CUX2: variants seen among roughly 807,000 people sequenced by gnomAD.
CUX2 encodes cut like homeobox 2, also known as homeobox protein cut-like 2.
In CUX2, 40 loss-of-function variants were observed where a neutral mutation model predicts 144.8. That is an observed-to-expected ratio of 0.28 (90% CI 0.21 to 0.36). The LOEUF is 0.36. CUX2 is among the 10% of genes least tolerant of loss of function. CUX2 has a pLI of 1.00. For missense variants in CUX2, 1,615 were observed against 1,994.0 expected (o/e 0.81, Z 3.62); for synonymous variants, 827 against 875.6 (o/e 0.94, Z 0.98).
chr12:111,099,225 G>A (rs1873034975), intron 1 of CUX2, among the ~76,000 whole-genome samples: 3 of 152,214 alleles, frequency 2.0e-5, no homozygotes. Context: ...GTGTGTTCAA[G>A]GTGGAGGAAA....
intron 1 of CUX2, among the ~76,000 whole-genome samples, chr12:111,195,499 C>T (rs1880182486): frequency 6.6e-6 from 1 of 152,214 alleles, no homozygotes; most frequent in African/African-American, 2.4e-5. Flanking sequence ...TTCAAGGGTA[C>T]AGAATGAAAT....
chr12:111,253,918 C>T (rs551049165), intron 3 of CUX2, among the ~76,000 whole-genome samples: 13 of 149,912 alleles, frequency 8.7e-5, no homozygotes, highest in African/African-American at 3.2e-4. Context: ...TTAGTAGAAA[C>T]GGAGTTTCAC....
chr12:111,330,526 G>A (rs1279503679), intron 18 of CUX2, among the ~76,000 whole-genome samples: 1 of 151,060 alleles, frequency 6.6e-6, no homozygotes, highest in African/African-American at 2.4e-5. Flanking sequence ...GAGGTGTCAT[G>A]AGGGTCACTT....
chr12:111,100,028 G>A, intron 1 of CUX2: 1 of 457,096 alleles, frequency 2.2e-6, no homozygotes, highest in Non-Finnish European at 4.4e-6. Context: ...TTTGCCGGTG[G>A]TGCTGCTGAC....
intron 1 of CUX2, among the ~76,000 whole-genome samples, chr12:111,101,166 G>A (rs558614732): frequency 1.0e-3 from 156 of 152,154 alleles, no homozygotes; most frequent in Non-Finnish European, 1.8e-3. Context: ...CTCACCCCTC[G>A]TGATGAGGAC....
rs1362421959 is a variant in CUX2, at chr12:111,071,869, A to AC, written c.63+37629_63+37630insC. 2.0e-5 allele frequency among the ~76,000 whole-genome samples: 3 copies of AC among 152,160 alleles called. No homozygotes were observed. In the East Asian group the frequency reaches 5.8e-4, roughly 29 times the overall value. On this transcript the variant is annotated intron_variant, in intron 1 of 21. Coordinates refer to ENST00000261726, the MANE Select transcript of CUX2 (RefSeq NM_015267.4). Reference sequence around the variant, plus strand: ...TCCAGCACCATTTGTTGAAAAGACAAATATCTCTTCTCCATTTTATTGCCT... The same window carrying AC: ...TCCAGCACCATTTGTTGAAAAGACAACATATCTCTTCTCCATTTTATTGCCT...
At chr12:111,120,117 C>T (rs1347341451) in intron 1 of CUX2, among the ~76,000 whole-genome samples, 1 of 152,100 alleles carries the variant, frequency 6.6e-6, no homozygotes, top group Non-Finnish European at 1.5e-5. Flanking sequence ...TGGAGAATCC[C>T]CACATCCCCA....
At chr12:111,240,981 C>T (rs1356080631) in intron 3 of CUX2, among the ~76,000 whole-genome samples, 1 of 152,074 alleles carries the variant, frequency 6.6e-6, no homozygotes, top group East Asian at 1.9e-4. Context: ...TGGAGAGGGG[C>T]CTGTCTTAGT....
chr12:111,131,728 T>C (rs1378323149), intron 1 of CUX2, among the ~76,000 whole-genome samples: 1 of 152,124 alleles, frequency 6.6e-6, no homozygotes, highest in Admixed American at 6.5e-5. Context: ...ATTTTAAAGC[T>C]CCAAAATGAT....
chr12:111,321,738 G>A (rs1887545580), intron 17 of CUX2, among the ~76,000 whole-genome samples: 1 of 152,160 alleles, frequency 6.6e-6, no homozygotes, highest in Non-Finnish European at 1.5e-5. Flanking sequence ...ACCCTAGCCA[G>A]GGGACCTCAG....
chr12:111,146,664 G>A (rs778117697), intron 1 of CUX2, among the ~76,000 whole-genome samples: 11 of 152,140 alleles, frequency 7.2e-5, no homozygotes, highest in African/African-American at 1.4e-4. Flanking sequence ...GGACACTAAC[G>A]TGCGGGTGTG....
At chr12:111,281,656 A>G (rs1053702519) in intron 4 of CUX2, among the ~76,000 whole-genome samples, 4 of 152,230 alleles carry the variant, frequency 2.6e-5, no homozygotes, top group Admixed American at 2.6e-4. Flanking sequence ...CAGACTCATC[A>G]CTGCAGAAAT....
intron 19 of CUX2, among the ~76,000 whole-genome samples, chr12:111,337,364 A>AAAAAG (rs1216516308): frequency 6.6e-6 from 1 of 151,684 alleles, no homozygotes; most frequent in Non-Finnish European, 1.5e-5. Flanking sequence ...AAAAAAAAAA[A>AAAAAG]AAAAGAAAAG....
chr12:111,341,989 G>A lies in CUX2; in HGVS notation c.3595G>A (p.Glu1199Lys). ...LEPYPSQQTI[E>K]LLSFQLNLKT... ...ACCCTACCCCTCGCAGCAGACCATC[G>A]AGCTCCTCTCCTTCCAGCTCAACCT... The change falls in exon 21 of 22, where the codon GAG (glutamate) becomes AAG (lysine). Residue 1199 changes from glutamate (E) to lysine (K), a missense_variant. Glu to Lys is a moderately conservative substitution (Grantham distance 56). Coordinates refer to ENST00000261726, the MANE Select transcript of CUX2 (RefSeq NM_015267.4). The A allele has an allele frequency of 1.2e-6, 2 of 1,614,078 alleles. No homozygotes were observed. Among genetic ancestry groups the A allele is most frequent in the South Asian group, 1.1e-5 (1 of 91,074 alleles).
At chr12:111,305,673 A>C (rs1413793949) in intron 10 of CUX2, among the ~76,000 whole-genome samples, 5 of 152,154 alleles carry the variant, frequency 3.3e-5, no homozygotes, top group Non-Finnish European at 7.3e-5. Context: ...TCTGAAAAAA[A>C]AAATGGATTA....
At chr12:111,203,231 CAAAAA>C (rs35855857) in intron 1 of CUX2, among the ~76,000 whole-genome samples, 1 of 76,550 alleles carries the variant, frequency 1.3e-5, no homozygotes, top group African/African-American at 4.7e-5. Flanking sequence ...GACTCTGTCT[CAAAAA>C]AAAAAAAAAA....
At chr12:111,335,114 T>C (rs1027349814) in intron 19 of CUX2, among the ~76,000 whole-genome samples, 2 of 151,836 alleles carry the variant, frequency 1.3e-5, no homozygotes, top group African/African-American at 4.8e-5. Flanking sequence ...TTAATGGCTG[T>C]GCATGGTGGC....
Position 111,035,613 on chromosome 12 carries a change from C to CTTTTT in CUX2, c.63+1385_63+1389dup, listed in dbSNP as rs60539275. 0.034 allele frequency among the ~76,000 whole-genome samples: 4,528 copies of CTTTTT among 135,078 alleles called. 297 individuals are homozygous for CTTTTT. Among genetic ancestry groups the CTTTTT allele is most frequent in the African/African-American group, 0.12 (4,290 of 34,918 alleles). 88.6% of individuals were successfully genotyped at this position (135,078 alleles called of 152,430 possible). ...CAGTCTGGAGATAAAAAGGGACCCA[C>CTTTTT]TTTTTTTTTTTTTTTTAATCCGCCG... On this transcript the variant is annotated intron_variant, in intron 1 of 21. Coordinates refer to ENST00000261726, the MANE Select transcript of CUX2 (RefSeq NM_015267.4). The surrounding 1 kb of genome is among the most constrained non-coding windows in gnomAD (Gnocchi z 6.0).
Position 111,160,387 on chromosome 12 carries a change from G to A in CUX2, c.64-53813G>A, listed in dbSNP as rs756560347. Among the ~76,000 whole-genome samples the A allele has an allele frequency of 3.9e-5, 6 of 152,120 alleles. No individual in the cohort carries two copies. The highest frequency in any genetic ancestry group is 4.1e-4 in the South Asian group (2 of 4,822). ...TGTGTATGGGCAAGCATGTGTGTGCGGGCATCTGGGCGTATTCGGGACGTG... is the reference window on the plus strand; with the variant it reads ...TGTGTATGGGCAAGCATGTGTGTGCAGGCATCTGGGCGTATTCGGGACGTG... On this transcript the variant is annotated intron_variant, in intron 1 of 21. Transcript: ENST00000261726. This position sits in a 1 kb window ranked among gnomAD's most constrained non-coding sequence, Gnocchi z 4.1.
Sources: allele counts gnomAD v4.1 joint callset (sites outside exome capture counted in the v4.1 genomes callset), GRCh38; gene constraint gnomAD v4.1.1; non-coding constraint Gnocchi (gnomAD v3.1); transcripts MANE v1.5; gene names NCBI Gene and HGNC (gene_info 2026-07-23, HGNC 2026-07-21).